The following KCNQ1 variants were observed in gnomAD, a reference collection of about 807,000 sequenced individuals.
KCNQ1 encodes the protein potassium voltage-gated channel subfamily Q member 1, also known as potassium voltage-gated channel subfamily KQT member 1.
KCNQ1 carries 49 observed loss-of-function variants against 72.4 expected under a neutral mutation model. That is an observed-to-expected ratio of 0.68 (90% CI 0.54 to 0.86). KCNQ1 has a LOEUF of 0.86. KCNQ1 is among the 40% of genes least tolerant of loss of function. The probability of loss-of-function intolerance (pLI) is 0.00; values close to 1 mark genes in which losing one functional copy is unlikely to be tolerated. For synonymous variants in KCNQ1, 450 were observed against 412.6 expected, an observed-to-expected ratio of 1.09 and a Z score of -1.10; for missense variants, 790 against 945.1, an observed-to-expected ratio of 0.84 and a Z score of 2.15.
rs1211149460 is a variant in KCNQ1 at position 2,613,292 on chromosome 11, C to T, written c.1393+24438C>T. 1 of 398,442 alleles carries T rather than the reference C, an allele frequency of 2.5e-6. No individual in the cohort carries two copies. Among genetic ancestry groups the T allele is most frequent in the African/African-American group, 2.1e-5 (1 of 48,610 alleles). 24.7% of individuals were successfully genotyped at this position (398,442 alleles called of 1,614,324 possible). A position where few individuals can be genotyped will look rare whatever the true frequency, so the allele number is the denominator to read the frequency against. On this transcript the variant is annotated intron_variant, in intron 10 of 15. Coordinates refer to ENST00000155840, the MANE Select transcript of KCNQ1 (RefSeq NM_000218.3). This position sits in a 1 kb window ranked among gnomAD's most constrained non-coding sequence, Gnocchi z 4.8. ...TGATCTCTCCTGCAAGCATGTACAA[C>T]TTCCATATCTCCAGAATTCCTTTTA... is the stretch of plus-strand genomic sequence containing the variant.
chr11:2,794,656 AG>A lies in KCNQ1; in HGVS notation c.1794+16622del, dbSNP rs537512133. 3.4e-3 allele frequency among the ~76,000 whole-genome samples: 520 copies of A among 152,298 alleles called. 1 individual carries two copies. Among genetic ancestry groups the A allele is most frequent in the Middle Eastern group, 0.017 (5 of 294 alleles). ...AGCAGATGCCGCATGGAGGGGCGTC[AG>A]GGAGTACACCGCCTTCCCAGGTGAG... On this transcript the variant is annotated intron_variant, in intron 15 of 15. Coordinates refer to ENST00000155840, the MANE Select transcript of KCNQ1 (RefSeq NM_000218.3).
At chr11:2,840,124 TAAACAATC>T (rs1167153582) in intron 15 of KCNQ1, 1 of 151,548 alleles carries the variant, frequency 6.6e-6, no homozygotes, top group African/African-American at 2.4e-5. Flanking sequence ...ACCAATAACA[TAAACAATC>T]AATTAACACA....
At chr11:2,637,081 A>G (rs1396821873) in intron 10 of KCNQ1, 5 of 151,202 alleles carry the variant, frequency 3.3e-5, no homozygotes, top group African/African-American at 1.2e-4. Flanking sequence ...TCTCTTCTTT[A>G]TTAGTCTTGC....
At chr11:2,474,782 G>A (rs1846546953) in intron 1 of KCNQ1, among the ~76,000 whole-genome samples, 1 of 120,584 alleles carries the variant, frequency 8.3e-6, no homozygotes, top group African/African-American at 2.7e-5. Context: ...AGAAGGAGGT[G>A]TCCATGGCCA....
At chr11:2,505,585 T>C (rs779623066) in intron 1 of KCNQ1, among the ~76,000 whole-genome samples, 1 of 152,368 alleles carries the variant, frequency 6.6e-6, no homozygotes, top group East Asian at 1.9e-4. Flanking sequence ...CTCACCATCA[T>C]TGTAGAACTA....
At chr11:2,776,939 C>T (rs754693019) in intron 13 of KCNQ1, 47 bp from the exon 14 acceptor site, 2 of 1,582,888 alleles carry the variant, frequency 1.3e-6, no homozygotes, top group Non-Finnish European at 1.7e-6. Flanking sequence ...TGCATCTGCG[C>T]AGTGCCAGGG....
intron 11 of KCNQ1, among the ~76,000 whole-genome samples, chr11:2,747,603 C>T (rs1846160881): frequency 6.6e-6 from 1 of 152,230 alleles, no homozygotes; most frequent in Non-Finnish European, 1.5e-5. Flanking sequence ...ACAACCTGTT[C>T]CCTGAAGGCC....
At chr11:2,644,948 C>A in intron 10 of KCNQ1, 1 of 398,592 alleles carries the variant, frequency 2.5e-6, no homozygotes, top group Non-Finnish European at 4.4e-6. Context: ...CAGTGGCTGG[C>A]CCCGAATGCT....
chr11:2,619,641 C>T (rs1364962880), intron 10 of KCNQ1: 1 of 396,614 alleles, frequency 2.5e-6, no homozygotes, highest in Non-Finnish European at 4.4e-6. Flanking sequence ...CTTGTGATGC[C>T]TTTGGCTCAC....
chr11:2,643,373 T>A (rs1849609336), intron 10 of KCNQ1: 2 of 398,292 alleles, frequency 5.0e-6, no homozygotes, highest in African/African-American at 4.1e-5. Flanking sequence ...AATTGTTATA[T>A]CCTCTTGGTC....
chr11:2,542,745 G>C (rs1308142335), intron 2 of KCNQ1, among the ~76,000 whole-genome samples: 1 of 152,230 alleles, frequency 6.6e-6, no homozygotes, highest in Non-Finnish European at 1.5e-5. Context: ...ATATTTGAGA[G>C]TCATCCAGGC....
At chr11:2,646,928 A>T (rs970117099) in intron 10 of KCNQ1, 2 of 398,538 alleles carry the variant, frequency 5.0e-6, no homozygotes, top group Non-Finnish European at 8.8e-6. Flanking sequence ...AGATTATGCC[A>T]TCTGCAAAGG....
chr11:2,617,196 T>A lies in KCNQ1; in HGVS notation c.1393+28342T>A. The A allele has an allele frequency of 2.5e-6, 1 of 398,326 alleles. No individual in the cohort carries two copies. Among genetic ancestry groups the A allele is most frequent in the Non-Finnish European group, 4.4e-6 (1 of 225,880 alleles). The allele number at this position is 398,326 out of a possible 1,614,324, so 24.7% of individuals were successfully genotyped here. A position where few individuals can be genotyped will look rare whatever the true frequency, so the allele number is the denominator to read the frequency against. ...CTTGTTCATCCTATATATCTGCTAC[T>A]TGGTATCCTTTGACCTACATCTTTC... On this transcript the variant is annotated intron_variant, in intron 10 of 15. Coordinates refer to ENST00000155840, the MANE Select transcript of KCNQ1 (RefSeq NM_000218.3). The surrounding 1 kb of genome is among the most constrained non-coding windows in gnomAD (Gnocchi z 4.6).
At position 2,724,151 on chromosome 11, in the gene KCNQ1, C is replaced by T. The variant is rs894624190; in HGVS notation, c.1515-44693C>T. ...TTCTGGTAAGATCGCCAGGGGGCCG[C>T]GACAAGGAGACCAGGAAGGAAAGAC... is the stretch of plus-strand genomic sequence containing the variant. On this transcript the variant is annotated intron_variant, in intron 11 of 15. Coordinates refer to ENST00000155840, the MANE Select transcript of KCNQ1 (RefSeq NM_000218.3). This position sits in a 1 kb window ranked among gnomAD's most constrained non-coding sequence, Gnocchi z 6.8. Among the ~76,000 whole-genome samples, 14 of 152,104 alleles carry T rather than the reference C, an allele frequency of 9.2e-5. No homozygotes were observed. The highest frequency in any genetic ancestry group is 7.2e-4 in the Admixed American group (11 of 15,278).
chr11:2,481,632 C>A lies in KCNQ1; in HGVS notation c.386+36148C>A, dbSNP rs1295616377. ...CAGTCACTCCCCATCACTCGCATTA[C>A]CGCGTGAGCTCTGCCTCCTATCAGA... On this transcript the variant is annotated intron_variant, in intron 1 of 15. Transcript: ENST00000155840. This position sits in a 1 kb window ranked among gnomAD's most constrained non-coding sequence, Gnocchi z 4.6. Among the ~76,000 whole-genome samples the A allele has an allele frequency of 6.6e-6, 1 of 152,230 alleles. No individual in the cohort carries two copies. Among genetic ancestry groups the A allele is most frequent in the Non-Finnish European group, 1.5e-5 (1 of 68,038 alleles).
rs938470389 is a variant in KCNQ1, at chr11:2,748,025, A to G, written c.1515-20819A>G. On this transcript the variant is annotated intron_variant, in intron 11 of 15. Transcript: ENST00000155840. The surrounding 1 kb of genome is among the most constrained non-coding windows in gnomAD (Gnocchi z 6.2). ...TACTTCAAGAAGACCACTCGGGCCT[A>G]GGGCTCTGCAAGCAATATCTGATTT... 6.6e-6 allele frequency among the ~76,000 whole-genome samples: 1 copy of G among 152,216 alleles called. No homozygotes were observed. The highest frequency in any genetic ancestry group is 1.5e-5 in the Non-Finnish European group (1 of 68,030).
chr11:2,459,810 T>G (rs1304295956), intron 1 of KCNQ1, among the ~76,000 whole-genome samples: 1 of 151,954 alleles, frequency 6.6e-6, no homozygotes, highest in African/African-American at 2.4e-5. Flanking sequence ...CCCTTCTGCT[T>G]AAAACCCACT....
rs11023427 is a variant in KCNQ1, at chr11:2,600,936, T to C, written c.1393+12082T>C. 0.23 allele frequency among the ~76,000 whole-genome samples: 34,702 copies of C among 152,132 alleles called. 5,440 individuals are homozygous for C. The highest frequency in any genetic ancestry group is 0.41 in the African/African-American group (17,178 of 41,466). ...GTGTATCACATCCTGAGGCACACAG[T>C]GTATCTGCCCCTTATTAACGATGTT... On this transcript the variant is annotated intron_variant, in intron 10 of 15. Coordinates refer to ENST00000155840, the MANE Select transcript of KCNQ1 (RefSeq NM_000218.3). This position sits in a 1 kb window ranked among gnomAD's most constrained non-coding sequence, Gnocchi z 5.6.
At chr11:2,510,633 G>C (rs1847184167) in intron 1 of KCNQ1, among the ~76,000 whole-genome samples, 1 of 152,170 alleles carries the variant, frequency 6.6e-6, no homozygotes, top group African/African-American at 2.4e-5. Flanking sequence ...TAACATGTTG[G>C]GCTTTCTCTG....
Sources: allele counts gnomAD v4.1 joint callset (sites outside exome capture counted in the v4.1 genomes callset), GRCh38; gene constraint gnomAD v4.1.1; non-coding constraint Gnocchi (gnomAD v3.1); transcripts MANE v1.5; gene names NCBI Gene and HGNC (gene_info 2026-07-23, HGNC 2026-07-21).